The following ROR1 variants were observed in gnomAD, a reference collection of about 807,000 sequenced individuals.
ROR1 encodes the protein ROR family WNT receptor 1.
ROR1 carries 19 observed loss-of-function variants against 78.8 expected under a neutral mutation model. The ratio of observed to expected loss-of-function variants is 0.24; its 90% CI spans 0.17 to 0.35. ROR1 has a LOEUF of 0.35. Among genes scored for constraint, ROR1 ranks in the 10% least tolerant of loss-of-function variants. The pLI, the probability that ROR1 is intolerant of heterozygous loss-of-function variation, is 1.00. For missense variants in ROR1, 917 were observed against 1,177.8 expected (o/e 0.78, Z 3.24); for synonymous variants, 386 against 433.6 (o/e 0.89, Z 1.36).
At chr1:64,137,267 C>A in intron 4 of ROR1, 102 bp from the exon 5 acceptor site, 1 of 1,258,594 alleles carries the variant, frequency 7.9e-7, no homozygotes, top group Non-Finnish European at 1.1e-6. Flanking sequence ...TTGTGCCCAA[C>A]TGTGCCCCCT....
At chr1:64,164,322 T>C (rs1650026348) in intron 8 of ROR1, among the ~76,000 whole-genome samples, 1 of 152,214 alleles carries the variant, frequency 6.6e-6, no homozygotes, top group African/African-American at 2.4e-5. Flanking sequence ...TTTCTCTTAG[T>C]TTATTTCTGG....
At position 64,062,747 on chromosome 1, in the gene ROR1, A is replaced by G. The variant is rs1255013557; in HGVS notation, c.482+12031A>G. Among the ~76,000 whole-genome samples the G allele has an allele frequency of 5.9e-5, 9 of 152,196 alleles. No homozygotes were observed. The East Asian group carries it at 1.5e-3, about 26-fold the overall frequency. ...ATTATTGATTCATCACGTCTTGTAC[A>G]CTCATAGAGCTTTTTGAGGGAAACA... On this transcript the variant is annotated intron_variant, in intron 4 of 8. Coordinates refer to ENST00000371079, the MANE Select transcript of ROR1 (RefSeq NM_005012.4).
At chr1:64,008,557 G>A (rs559151594) in intron 1 of ROR1, among the ~76,000 whole-genome samples, 4 of 152,190 alleles carry the variant, frequency 2.6e-5, no homozygotes, top group Admixed American at 1.3e-4. Flanking sequence ...CCACAGTGGT[G>A]GAACTAATTT....
chr1:64,057,521 T>C (rs983262214), intron 4 of ROR1, among the ~76,000 whole-genome samples: 2 of 152,208 alleles, frequency 1.3e-5, no homozygotes, highest in Admixed American at 6.5e-5. Flanking sequence ...AGGCACAGGC[T>C]GGGAACTTTT....
At chr1:64,121,059 C>CCTT (rs1648513615) in intron 4 of ROR1, among the ~76,000 whole-genome samples, 1 of 82,010 alleles carries the variant, frequency 1.2e-5, no homozygotes, top group Non-Finnish European at 2.2e-5. Flanking sequence ...GGAGATACCC[C>CCTT]TTTTTTTTTT....
chr1:64,054,020 C>T (rs1646854174), intron 4 of ROR1, among the ~76,000 whole-genome samples: 1 of 151,682 alleles, frequency 6.6e-6, no homozygotes, highest in South Asian at 2.1e-4. Context: ...GGTGTATGAT[C>T]TTGGGTCACT....
rs550079759 is a variant in ROR1, at chr1:63,976,033, A to G, written c.92-33272A>G. On this transcript the variant is annotated intron_variant, in intron 1 of 8. Coordinates refer to ENST00000371079, the MANE Select transcript of ROR1 (RefSeq NM_005012.4). ...GTATTTTATATGGTTTCAAAAACAA[A>G]GTCTATGGTAGAGCTTTTGCCCTCA... 2.9e-4 allele frequency among the ~76,000 whole-genome samples: 44 copies of G among 152,338 alleles called. 2 individuals are homozygous for G. The South Asian group carries it at 6.8e-3, about 24-fold the overall frequency.
intron 1 of ROR1, among the ~76,000 whole-genome samples, chr1:63,852,253 A>G (rs1049636395): frequency 3.3e-5 from 5 of 152,214 alleles, no homozygotes; most frequent in Admixed American, 6.5e-5. Context: ...CTCAGCCACC[A>G]TCTGTTTCAC....
At chr1:64,008,256 G>A (rs1284840891) in intron 1 of ROR1, among the ~76,000 whole-genome samples, 1 of 152,026 alleles carries the variant, frequency 6.6e-6, no homozygotes, top group Non-Finnish European at 1.5e-5. Context: ...TAGGCTAATG[G>A]CCTCCATCTG....
At position 63,774,240 on chromosome 1, in the gene ROR1, G is replaced by A; in HGVS notation, c.-178G>A. 1 of 293,462 alleles carries A rather than the reference G, an allele frequency of 3.4e-6. No homozygotes were observed. The highest frequency in any genetic ancestry group is 6.2e-6 in the Non-Finnish European group (1 of 162,380). 18.2% of individuals were successfully genotyped at this position (293,462 alleles called of 1,614,324 possible). A position where few individuals can be genotyped will look rare whatever the true frequency, so the allele number is the denominator to read the frequency against. ...GAAGGGATCGCGCTCGCGGCATCCAGAGGCGGCCAGGCGGAGGCGAGGGAG... is the reference window on the plus strand; with the variant it reads ...GAAGGGATCGCGCTCGCGGCATCCAAAGGCGGCCAGGCGGAGGCGAGGGAG... On this transcript the variant is annotated 5_prime_UTR_variant, in exon 1 of 9. Transcript: ENST00000371079. The surrounding 1 kb of genome is among the most constrained non-coding windows in gnomAD (Gnocchi z 5.7).
chr1:64,139,975 C>G, intron 5 of ROR1, 134 bp from the exon 6 acceptor site: 1 of 763,482 alleles, frequency 1.3e-6, no homozygotes, highest in Non-Finnish European at 2.1e-6. Context: ...AAATGAATCT[C>G]CTTCTCTGGG....
intron 4 of ROR1, among the ~76,000 whole-genome samples, chr1:64,124,087 T>C (rs1422350533): frequency 6.6e-6 from 1 of 152,188 alleles, no homozygotes; most frequent in Non-Finnish European, 1.5e-5. Context: ...TAATTCCAAT[T>C]TGCAAAAATA....
At position 63,823,618 on chromosome 1, in the gene ROR1, T is replaced by C. The variant is rs554699907; in HGVS notation, c.91+49110T>C. On this transcript the variant is annotated intron_variant, in intron 1 of 8. Transcript: ENST00000371079. Reference sequence around the variant, plus strand: ...GTCCGTGCCACCACACCCAGCTAATTGTTTTATTTTTTGTGGAGATAAGGG... The same window carrying C: ...GTCCGTGCCACCACACCCAGCTAATCGTTTTATTTTTTGTGGAGATAAGGG... Among the ~76,000 whole-genome samples the C allele has an allele frequency of 5.6e-4, 85 of 152,062 alleles. 1 individual carries two copies. The highest frequency in any genetic ancestry group is 2.0e-3 in the African/African-American group (83 of 41,474).
At chr1:63,786,719 C>T (rs765949486) in intron 1 of ROR1, among the ~76,000 whole-genome samples, 22 of 151,990 alleles carry the variant, frequency 1.4e-4, no homozygotes, top group Middle Eastern at 3.2e-3. Context: ...GTTTCTTAGC[C>T]ATCCCAGGAT....
intron 4 of ROR1, among the ~76,000 whole-genome samples, chr1:64,075,458 GTT>G (rs1236955733): frequency 2.0e-5 from 3 of 152,046 alleles, no homozygotes; most frequent in African/African-American, 7.2e-5. Flanking sequence ...GGGGTTTTTT[GTT>G]TTGTTTTTGG....
intron 1 of ROR1, among the ~76,000 whole-genome samples, chr1:63,860,773 A>C (rs1224689356): frequency 5.5e-5 from 5 of 90,900 alleles, no homozygotes; most frequent in Non-Finnish European, 9.0e-5. Context: ...TGTCTCGGGG[A>C]AAAAAAAAAA....
At chr1:64,147,894 A>G (rs372435091) in intron 7 of ROR1, among the ~76,000 whole-genome samples, 27 of 152,258 alleles carry the variant, frequency 1.8e-4, no homozygotes, top group African/African-American at 6.0e-4. Flanking sequence ...GATTTTGGTT[A>G]TCACAAGTGG....
At chr1:63,983,605 A>G (rs1356021026) in intron 1 of ROR1, among the ~76,000 whole-genome samples, 1 of 152,140 alleles carries the variant, frequency 6.6e-6, no homozygotes, top group Non-Finnish European at 1.5e-5. Context: ...TGTGGCTGGT[A>G]CCCTGCAATC....
intron 1 of ROR1, among the ~76,000 whole-genome samples, chr1:63,812,092 T>C (rs583393): frequency 0.22 from 33,214 of 151,382 alleles, 9,959 homozygotes; most frequent in African/African-American, 0.68. Flanking sequence ...TCTCCAGTAG[T>C]TGGGATTATA....
Sources: allele counts gnomAD v4.1 joint callset (sites outside exome capture counted in the v4.1 genomes callset), GRCh38; gene constraint gnomAD v4.1.1; non-coding constraint Gnocchi (gnomAD v3.1); transcripts MANE v1.5; gene names NCBI Gene and HGNC (gene_info 2026-07-23, HGNC 2026-07-21).